The following DACH2 variants were observed in gnomAD, a reference collection of about 807,000 sequenced individuals.
DACH2 encodes the protein dachshund homolog 2.
In DACH2, 17 loss-of-function variants were observed where a neutral mutation model predicts 35.8. That is an observed-to-expected ratio of 0.48 (90% CI 0.33 to 0.71). DACH2 has a LOEUF of 0.71. DACH2 is among the 30% of genes least tolerant of loss of function. DACH2 has a pLI of 0.02. For missense variants in DACH2, 469 were observed against 472.7 expected (o/e 0.99, Z 0.07); for synonymous variants, 195 against 177.3 (o/e 1.10, Z -0.79).
Position 86,662,832 on chromosome X carries a change from A to T in DACH2, c.772+11665A>T, listed in dbSNP as rs763415118. On this transcript the variant is annotated intron_variant, in intron 4 of 11. Transcript: ENST00000373125. ...TTATGCCTAAATCTTAAACCTTACAACAGTTAAATAAGACCCCTTTCAAAG... is the reference window on the plus strand; with the variant it reads ...TTATGCCTAAATCTTAAACCTTACATCAGTTAAATAAGACCCCTTTCAAAG... Among the ~76,000 whole-genome samples, 47 of 111,308 alleles carry T rather than the reference A, an allele frequency of 4.2e-4. 1 individual carries two copies. The highest frequency in any genetic ancestry group is 2.9e-4 in the African/African-American group (9 of 30,647).
At chrX:86,546,226 C>T (rs2038953576) in intron 3 of DACH2, among the ~76,000 whole-genome samples, 1 of 111,349 alleles carries the variant, frequency 9.0e-6, no homozygotes, top group African/African-American at 3.3e-5. Flanking sequence ...CAAAATTCCA[C>T]CAGCAGATGG....
intron 3 of DACH2, among the ~76,000 whole-genome samples, chrX:86,575,974 A>G (rs991422850): frequency 1.8e-5 from 2 of 112,358 alleles, no homozygotes; most frequent in Non-Finnish European, 3.8e-5. Flanking sequence ...GCAGATGCAC[A>G]GTGAACCTGC....
At chrX:86,423,471 T>C (rs1316702439) in intron 2 of DACH2, among the ~76,000 whole-genome samples, 1 of 111,163 alleles carries the variant, frequency 9.0e-6, no homozygotes, top group Non-Finnish European at 1.9e-5. Context: ...ATGTCTTCTT[T>C]TGAGAAGTGT....
chrX:86,339,855 C>T (rs999114023), intron 1 of DACH2, among the ~76,000 whole-genome samples: 13 of 111,891 alleles, frequency 1.2e-4, no homozygotes, highest in Non-Finnish European at 2.1e-4. Flanking sequence ...CTTCATGAGG[C>T]TAAGTGAAAT....
chrX:86,591,514 A>G (rs2039645302), intron 3 of DACH2, among the ~76,000 whole-genome samples: 1 of 106,458 alleles, frequency 9.4e-6, no homozygotes, highest in African/African-American at 3.5e-5. Context: ...ATCTTCTTTA[A>G]TTAGGTGTCT....
intron 2 of DACH2, among the ~76,000 whole-genome samples, chrX:86,378,874 C>T (rs964417095): frequency 3.6e-5 from 4 of 110,756 alleles, no homozygotes; most frequent in Non-Finnish European, 5.7e-5. Flanking sequence ...GGTGGTTATG[C>T]GCTTTGTGGG....
intron 1 of DACH2, among the ~76,000 whole-genome samples, chrX:86,225,583 A>T (rs1415558516): frequency 1.8e-5 from 2 of 109,545 alleles, no homozygotes; most frequent in Admixed American, 9.8e-5. Flanking sequence ...TTTCTCCTTT[A>T]AAAAAAAAGT....
At chrX:86,192,739 T>C (rs1410981219) in intron 1 of DACH2, among the ~76,000 whole-genome samples, 1 of 112,459 alleles carries the variant, frequency 8.9e-6, no homozygotes. Context: ...TCCTGTTTCC[T>C]ATCTTCAAGG....
chrX:86,750,529 G>T (rs1388978557), intron 7 of DACH2, among the ~76,000 whole-genome samples: 1 of 111,918 alleles, frequency 8.9e-6, no homozygotes, highest in Non-Finnish European at 1.9e-5. Context: ...CTGTACAGCA[G>T]ATCTCTTGAA....
At chrX:86,803,879 G>A (rs1892204885) in intron 7 of DACH2, among the ~76,000 whole-genome samples, 1 of 111,283 alleles carries the variant, frequency 9.0e-6, no homozygotes, top group African/African-American at 3.3e-5. Flanking sequence ...TAAATGGGAT[G>A]GCCAGTATAG....
In DACH2 at chrX:86,365,036, A is replaced by G. The variant is rs766602991; in HGVS notation, c.489-11788A>G. 3.6e-5 allele frequency among the ~76,000 whole-genome samples: 4 copies of G among 111,949 alleles called. No homozygotes were observed. The South Asian group carries it at 1.5e-3, about 41-fold the overall frequency. ...AAACCCACTAGCGACATAAAGCCAG[A>G]ATGACTAACAGGAAATATTAGGTAG... On this transcript the variant is annotated intron_variant, in intron 1 of 11. Coordinates refer to ENST00000373125, the MANE Select transcript of DACH2 (RefSeq NM_053281.3).
intron 1 of DACH2, among the ~76,000 whole-genome samples, chrX:86,287,524 A>G (rs6623621): frequency 0.43 from 47,724 of 109,923 alleles, 7,885 homozygotes; most frequent in East Asian, 0.54. Context: ...TAACTCTTAT[A>G]TTTGCTCTTT....
At chrX:86,622,285 C>T (rs1177766044) in intron 3 of DACH2, among the ~76,000 whole-genome samples, 1 of 111,764 alleles carries the variant, frequency 8.9e-6, no homozygotes, top group Non-Finnish European at 1.9e-5. Context: ...ATTTCATTTT[C>T]AGTGTTTCTT....
At chrX:86,738,264 C>T (rs780209459) in intron 6 of DACH2, among the ~76,000 whole-genome samples, 151 of 111,645 alleles carry the variant, frequency 1.4e-3, no homozygotes, top group Non-Finnish European at 2.1e-3. Context: ...ACTGTGCCCG[C>T]TGCAATGCCA....
chrX:86,495,475 A>T (rs772124387), intron 2 of DACH2, among the ~76,000 whole-genome samples: 1 of 109,810 alleles, frequency 9.1e-6, no homozygotes, highest in East Asian at 2.9e-4. Flanking sequence ...TGGTTACTTT[A>T]TTGGTCAGCA....
At chrX:86,773,608 G>A (rs1450214252) in intron 7 of DACH2, among the ~76,000 whole-genome samples, 1 of 111,083 alleles carries the variant, frequency 9.0e-6, no homozygotes, top group Non-Finnish European at 1.9e-5. Context: ...ATATCTACAA[G>A]GCAATAATGA....
intron 6 of DACH2, among the ~76,000 whole-genome samples, chrX:86,721,148 A>T (rs948902880): frequency 8.9e-5 from 10 of 112,193 alleles, no homozygotes; most frequent in Non-Finnish European, 1.5e-4. Flanking sequence ...GATCTCTTAC[A>T]TGCCCTGGAG....
intron 1 of DACH2, among the ~76,000 whole-genome samples, chrX:86,220,811 A>T (rs2032693135): frequency 8.9e-6 from 1 of 111,976 alleles, no homozygotes; most frequent in South Asian, 3.7e-4. Context: ...TCCACAGTAA[A>T]TGTACCATTT....
chrX:86,180,320 A>G (rs2031449297), intron 1 of DACH2, among the ~76,000 whole-genome samples: 2 of 104,685 alleles, frequency 1.9e-5, no homozygotes, highest in African/African-American at 6.9e-5. Flanking sequence ...TCTTATGGGT[A>G]CATTTGTGAG....
Sources: gnomAD v4.1 joint callset for allele counts (sites outside exome capture counted in the v4.1 genomes callset) on GRCh38, gnomAD v4.1.1 for gene constraint, MANE v1.5 for transcripts, NCBI Gene and HGNC (gene_info 2026-07-23, HGNC 2026-07-21) for gene names.